The following CIBAR1 variants were observed in gnomAD, a reference collection of about 807,000 sequenced individuals.
The protein encoded by CIBAR1 is CBY1 interacting BAR domain containing 1.
A neutral mutation model predicts 44.0 loss-of-function variants in CIBAR1; 25 were observed. The observed-to-expected ratio is 0.57, with a 90% CI of 0.41 to 0.79. The LOEUF (loss-of-function observed/expected upper bound fraction) is 0.79. Ranked by LOEUF, CIBAR1 falls within the 30% of genes least tolerant of loss-of-function variation. The pLI is 0.00. For missense variants in CIBAR1, 278 were observed against 344.8 expected, an observed-to-expected ratio of 0.81 and a Z score of 1.53; for synonymous variants, 115 against 119.0, an observed-to-expected ratio of 0.97 and a Z score of 0.22.
At chr8:93,701,018 C>T in intron 1 of CIBAR1, 1 of 1,428,064 alleles carries the variant, frequency 7.0e-7, no homozygotes, top group Non-Finnish European at 9.1e-7. Flanking sequence ...GCCCACCCGG[C>T]CTGGGCCTTT....
chr8:93,703,593 A>T (rs1392107387), intron 2 of CIBAR1, 27 bp from the exon 3 acceptor site: 1 of 1,362,072 alleles, frequency 7.3e-7, no homozygotes, highest in East Asian at 2.5e-5. Context: ...AAACGTTCTA[A>T]TTTAAAATTT....
At chr8:93,725,966 A>C (rs927917987) in intron 7 of CIBAR1, 1 of 156,872 alleles carries the variant, frequency 6.4e-6, no homozygotes, top group Non-Finnish European at 1.4e-5. Context: ...TGGAATCCAT[A>C]AATTATAGTG....
intron 6 of CIBAR1, among the ~76,000 whole-genome samples, chr8:93,712,582 T>G (rs6471395): frequency 1 from 152,117 of 152,242 alleles, 75,998 homozygotes; most frequent in Middle Eastern, 1. Flanking sequence ...CTGGATTATT[T>G]GTAACTTTAT....
chr8:93,711,541 C>G (rs1810824139), intron 6 of CIBAR1, among the ~76,000 whole-genome samples: 2 of 152,128 alleles, frequency 1.3e-5, no homozygotes, highest in South Asian at 4.1e-4. Context: ...ATTCCTTTAC[C>G]AAGCTAGGAG....
At chr8:93,724,922 A>G (rs1406968837) in intron 7 of CIBAR1, among the ~76,000 whole-genome samples, 1 of 152,168 alleles carries the variant, frequency 6.6e-6, no homozygotes, top group Non-Finnish European at 1.5e-5. Flanking sequence ...ATCACAGGGT[A>G]TGCTTGTCAG....
At chr8:93,727,733 GC>G (rs997633044) in intron 8 of CIBAR1, among the ~76,000 whole-genome samples, 4 of 152,142 alleles carry the variant, frequency 2.6e-5, no homozygotes, top group East Asian at 1.9e-4. Context: ...TAAGCAATAT[GC>G]CCCACGTGGC....
chr8:93,730,369 T>G lies in CIBAR1; in HGVS notation c.*2072T>G, dbSNP rs763958160. On this transcript the variant is annotated 3_prime_UTR_variant, in exon 9 of 9. Coordinates refer to ENST00000518322, the MANE Select transcript of CIBAR1 (RefSeq NM_145269.5). ...TTTTACCTATCTCTTGGTTGTGGGA[T>G]TGACTTTCTAGACATGATCTACATT... 6.6e-6 allele frequency: 1 copy of G among 152,168 alleles called. No individual in the cohort carries two copies. 9.4% of individuals were successfully genotyped at this position (152,168 alleles called of 1,614,324 possible).
intron 2 of CIBAR1, chr8:93,702,579 G>C (rs537634760): frequency 2.2e-6 from 1 of 455,350 alleles, no homozygotes; most frequent in Admixed American, 2.4e-5. Context: ...AAAAGACTTA[G>C]ATAATCCTTA....
intron 7 of CIBAR1, among the ~76,000 whole-genome samples, chr8:93,722,976 G>A (rs935241856): frequency 1.3e-5 from 2 of 152,124 alleles, no homozygotes; most frequent in African/African-American, 4.8e-5. Flanking sequence ...CAGCTAATGA[G>A]TCATTGCATT....
Position 93,709,934 on chromosome 8 carries a change from GA to G in CIBAR1, c.543+64del, listed in dbSNP as rs1220148477. 6.1e-6 allele frequency: 8 copies of G among 1,314,722 alleles called. No homozygotes were observed. The African/African-American group carries it at 7.5e-5, about 12-fold the overall frequency. The allele number at this position is 1,314,722 out of a possible 1,614,324, so 81.4% of individuals were successfully genotyped here. A position where few individuals can be genotyped will look rare whatever the true frequency, so the allele number is the denominator to read the frequency against. On this transcript the variant is annotated intron_variant, in intron 6 of 8. Transcript: ENST00000518322. ...TTTTAACCTTTTTTTTTACTTTAAT[GA>G]AAAATTTAAATTACTCTAAATTTTT...
rs1230778444 is a variant in CIBAR1, at chr8:93,731,116, G to A, written c.*2819G>A. On this transcript the variant is annotated 3_prime_UTR_variant, in exon 9 of 9. Coordinates refer to ENST00000518322, the MANE Select transcript of CIBAR1 (RefSeq NM_145269.5). ...TAGAAGCTGCAGTGAACCATTATCAGACCACTGCACTCCAGCCTGGCCAGC... is the reference window on the plus strand; with the variant it reads ...TAGAAGCTGCAGTGAACCATTATCAAACCACTGCACTCCAGCCTGGCCAGC... The A allele has an allele frequency of 6.6e-6, 1 of 152,150 alleles. No homozygotes were observed. The highest frequency in any genetic ancestry group is 2.4e-5 in the African/African-American group (1 of 41,402). The allele number at this position is 152,150 out of a possible 1,614,324, so 9.4% of individuals were successfully genotyped here.
intron 7 of CIBAR1, among the ~76,000 whole-genome samples, chr8:93,724,845 A>G (rs150622641): frequency 2.6e-5 from 4 of 152,290 alleles, no homozygotes; most frequent in African/African-American, 9.6e-5. Context: ...CATTTCCATC[A>G]TCTCAGAAAG....
intron 8 of CIBAR1, chr8:93,727,259 A>G: frequency 1.8e-6 from 2 of 1,131,304 alleles, no homozygotes; most frequent in South Asian, 2.7e-5. Context: ...ATTTGATACC[A>G]TACTTTCTAT....
Position 93,700,975 on chromosome 8 carries a change from A to G in CIBAR1, c.27-249A>G, listed in dbSNP as rs567425811. ...GCGCCCAGGCCGCGCTGCGCGGAGC[A>G]GCCGGAGCAGCCACCTCCCCAGTTA... On this transcript the variant is annotated intron_variant, in intron 1 of 8. Coordinates refer to ENST00000518322, the MANE Select transcript of CIBAR1 (RefSeq NM_145269.5). 402 of 1,390,504 alleles carry G rather than the reference A, an allele frequency of 2.9e-4. 2 individuals carry two copies. The African/African-American group carries it at 5.0e-3, about 17-fold the overall frequency. 86.1% of individuals were successfully genotyped at this position (1,390,504 alleles called of 1,614,324 possible).
intron 6 of CIBAR1, among the ~76,000 whole-genome samples, chr8:93,717,555 C>G (rs1586279946): frequency 6.6e-6 from 1 of 152,258 alleles, no homozygotes; most frequent in Non-Finnish European, 1.5e-5. Flanking sequence ...CCTCTTAATG[C>G]TCCCTTAAGT....
At chr8:93,710,475 A>G (rs952882721) in intron 6 of CIBAR1, among the ~76,000 whole-genome samples, 1 of 152,222 alleles carries the variant, frequency 6.6e-6, no homozygotes, top group African/African-American at 2.4e-5. Context: ...GTGTTTTTAT[A>G]TGCCAGGCAC....
chr8:93,707,132 T>C (rs1057130405), intron 4 of CIBAR1: 11 of 303,630 alleles, frequency 3.6e-5, no homozygotes, highest in South Asian at 5.8e-5. Context: ...TATACTGATA[T>C]CTGTATTCAT....
At chr8:93,712,424 A>G (rs1312690809) in intron 6 of CIBAR1, among the ~76,000 whole-genome samples, 2 of 152,206 alleles carry the variant, frequency 1.3e-5, no homozygotes, top group Non-Finnish European at 2.9e-5. Context: ...TTGTATGGAT[A>G]TACCACATTT....
Position 93,718,716 on chromosome 8 carries a change from C to A in CIBAR1, c.585C>A (p.His195Gln). The A allele has an allele frequency of 6.4e-7, 1 of 1,564,052 alleles. No homozygotes were observed. Among genetic ancestry groups the A allele is most frequent in the South Asian group, 1.2e-5 (1 of 82,616 alleles). ...SEFITIEMLF[H>Q]GKALEVYTAA... Reference sequence around the variant, plus strand: ...TTATCACAATCGAAATGTTATTTCACGGCAAAGCTTTAGAGGTCTACACTG... The same window carrying A: ...TTATCACAATCGAAATGTTATTTCAAGGCAAAGCTTTAGAGGTCTACACTG... The change falls in exon 7 of 9, where the codon CAC becomes CAA. Residue 195 changes from histidine (H) to glutamine (Q), a missense_variant. Physicochemically the swap from His to Gln is conservative, Grantham distance 24. Around this residue, in one of 3 missense-constraint regions of CIBAR1, gnomAD observed 93 missense variants for 108.9 expected, o/e 0.85. Coordinates refer to ENST00000518322, the MANE Select transcript of CIBAR1 (RefSeq NM_145269.5).
Sources: allele counts gnomAD v4.1 joint callset (sites outside exome capture counted in the v4.1 genomes callset), GRCh38; gene constraint gnomAD v4.1.1; regional missense constraint gnomAD v4.1.1; transcripts MANE v1.5; gene names NCBI Gene and HGNC (gene_info 2026-07-23, HGNC 2026-07-21).